Variants in TMTC2 observed in about 807,000 individuals in gnomAD.
The protein encoded by TMTC2 is transmembrane O-mannosyltransferase targeting cadherins 2.
Under a neutral mutation model 82.4 loss-of-function variants are expected in TMTC2, and 43 were observed. That is an observed-to-expected ratio of 0.52 (90% confidence interval 0.41 to 0.67). The LOEUF (loss-of-function observed/expected upper bound fraction) is 0.67, where lower values mean the gene tolerates loss of function less well. Among genes scored for constraint, TMTC2 ranks in the 30% least tolerant of loss-of-function variants. The pLI, the probability that TMTC2 is intolerant of heterozygous loss-of-function variation, is 0.00. For synonymous variants in TMTC2, 408 were observed against 381.9 expected, an observed-to-expected ratio of 1.07 and a Z score of -0.80; for missense variants, 919 against 1,012.4, an observed-to-expected ratio of 0.91 and a Z score of 1.25.
At chr12:82,934,952 T>C (rs1269612070) in intron 4 of TMTC2, among the ~76,000 whole-genome samples, 1 of 152,152 alleles carries the variant, frequency 6.6e-6, no homozygotes, top group Non-Finnish European at 1.5e-5. Flanking sequence ...GGTATTTCTT[T>C]AGGCAGAAAT....
chr12:82,885,775 C>T (rs1873067604), intron 2 of TMTC2, among the ~76,000 whole-genome samples: 1 of 152,098 alleles, frequency 6.6e-6, no homozygotes, highest in Non-Finnish European at 1.5e-5. Context: ...ATAAAGTTGA[C>T]CTTCATCACC....
chr12:82,998,053 A>G (rs1457848148), intron 8 of TMTC2, among the ~76,000 whole-genome samples: 5 of 152,242 alleles, frequency 3.3e-5, no homozygotes, highest in African/African-American at 1.2e-4. Context: ...AGAAATAAAC[A>G]TAAGTGAAAG....
At chr12:83,070,540 T>C (rs1341142174) in intron 11 of TMTC2, among the ~76,000 whole-genome samples, 2 of 152,218 alleles carry the variant, frequency 1.3e-5, no homozygotes, top group Admixed American at 1.3e-4. Context: ...TACATTAATT[T>C]TATATCCAGA....
Position 82,857,703 on chromosome 12 carries a change from A to T in TMTC2, c.654+123A>T, listed in dbSNP as rs1005882371. ...GGAATTTAAAATAAGTTCCTTTTTG[A>T]TCTTCAGTAAGTGGAAGTGTCCTTT... On this transcript the variant is annotated intron_variant, in intron 2 of 11. Coordinates refer to ENST00000321196, the MANE Select transcript of TMTC2 (RefSeq NM_152588.3). 11 of 873,924 alleles carry T rather than the reference A, an allele frequency of 1.3e-5. No homozygotes were observed. In the Admixed American group the frequency reaches 3.0e-4, roughly 24 times the overall value. 54.1% of individuals were successfully genotyped at this position (873,924 alleles called of 1,614,324 possible). A position where few individuals can be genotyped will look rare whatever the true frequency, so the allele number is the denominator to read the frequency against.
At chr12:83,082,838 G>A (rs1883519722) in intron 11 of TMTC2, among the ~76,000 whole-genome samples, 2 of 152,194 alleles carry the variant, frequency 1.3e-5, no homozygotes, top group African/African-American at 2.4e-5. Context: ...GCTATAAATA[G>A]CATGCCTCAG....
intron 11 of TMTC2, among the ~76,000 whole-genome samples, chr12:83,115,587 C>T (rs1182048534): frequency 1.3e-5 from 2 of 152,024 alleles, no homozygotes; most frequent in African/African-American, 2.4e-5. Flanking sequence ...GTACTGATTG[C>T]ATATTATAAA....
chr12:82,919,036 G>A (rs71450910), intron 3 of TMTC2, among the ~76,000 whole-genome samples: 8,393 of 152,326 alleles, frequency 0.055, 322 homozygotes, highest in Non-Finnish European at 0.081. Flanking sequence ...GATTACAGGC[G>A]TAAGCCACCA....
chr12:83,002,427 A>G (rs952830510), intron 8 of TMTC2, among the ~76,000 whole-genome samples: 7 of 152,024 alleles, frequency 4.6e-5, no homozygotes, highest in African/African-American at 7.2e-5. Flanking sequence ...GATAATTTGT[A>G]TGGATTTTTG....
chr12:82,864,147 C>T (rs956159285), intron 2 of TMTC2, among the ~76,000 whole-genome samples: 20 of 152,040 alleles, frequency 1.3e-4, no homozygotes, highest in African/African-American at 4.8e-4. Context: ...TTGGCAGATA[C>T]ACAGAGGACA....
At chr12:83,116,801 G>T (rs1366933815) in intron 11 of TMTC2, among the ~76,000 whole-genome samples, 1 of 151,328 alleles carries the variant, frequency 6.6e-6, no homozygotes, top group African/African-American at 2.4e-5. Flanking sequence ...TTACTCACTT[G>T]TTTGAGTTCA....
intron 3 of TMTC2, among the ~76,000 whole-genome samples, chr12:82,903,614 CG>C (rs1874143825): frequency 6.6e-6 from 1 of 152,082 alleles, no homozygotes; most frequent in South Asian, 2.1e-4. Context: ...GGGGTTTCAC[CG>C]TGTTGGACAG....
intron 1 of TMTC2, chr12:82,760,963 T>G (rs1876595944): frequency 5.2e-6 from 1 of 193,310 alleles, no homozygotes; most frequent in African/African-American, 2.4e-5. Flanking sequence ...TTTTATTATA[T>G]ATTATAATGT....
chr12:83,003,172 C>A (rs1880004614), intron 8 of TMTC2, among the ~76,000 whole-genome samples: 1 of 151,982 alleles, frequency 6.6e-6, no homozygotes, highest in Admixed American at 6.5e-5. Context: ...TCATATAATA[C>A]CCTTCCTTGT....
intron 4 of TMTC2, among the ~76,000 whole-genome samples, chr12:82,934,961 A>G (rs185140922): frequency 1.1e-4 from 17 of 152,278 alleles, no homozygotes. Context: ...TTAGGCAGAA[A>G]TAAACCAAAG....
chr12:82,720,491 A>G (rs1050564226), intron 1 of TMTC2, among the ~76,000 whole-genome samples: 2 of 152,206 alleles, frequency 1.3e-5, no homozygotes, highest in Non-Finnish European at 2.9e-5. Flanking sequence ...GCTGATGGCC[A>G]TTTGAGTTGT....
At chr12:82,875,881 TGAAG>T (rs1387098765) in intron 2 of TMTC2, among the ~76,000 whole-genome samples, 16 of 132,242 alleles carry the variant, frequency 1.2e-4, no homozygotes, top group African/African-American at 4.7e-4. Flanking sequence ...ACTTCTATCA[TGAAG>T]GAGAGCTCAC....
At chr12:83,070,017 G>A (rs1172473088) in intron 11 of TMTC2, among the ~76,000 whole-genome samples, 2 of 152,132 alleles carry the variant, frequency 1.3e-5, no homozygotes, top group South Asian at 4.2e-4. Flanking sequence ...TTATTTCTGG[G>A]TTCTCTATTC....
At chr12:82,998,488 C>T (rs1212583203) in intron 8 of TMTC2, among the ~76,000 whole-genome samples, 1 of 151,998 alleles carries the variant, frequency 6.6e-6, no homozygotes, top group Non-Finnish European at 1.5e-5. Flanking sequence ...GCTTACAAAA[C>T]CAGTCATAAG....
intron 2 of TMTC2, among the ~76,000 whole-genome samples, chr12:82,858,069 A>G (rs377400324): frequency 1.3e-5 from 2 of 152,228 alleles, no homozygotes; most frequent in African/African-American, 4.8e-5. Context: ...TTCTTAAACA[A>G]TGAATCATAC....
Sources: gnomAD v4.1 joint callset for allele counts (sites outside exome capture counted in the v4.1 genomes callset) on GRCh38, gnomAD v4.1.1 for gene constraint, MANE v1.5 for transcripts, NCBI Gene and HGNC (gene_info 2026-07-23, HGNC 2026-07-21) for gene names.